Variants in NCOA2 observed in about 807,000 individuals in gnomAD.
NCOA2 encodes the protein class E basic helix-loop-helix protein 75.
A neutral mutation model predicts 145.1 loss-of-function variants in NCOA2; 21 were observed. The ratio of observed to expected loss-of-function variants is 0.14; its 90% CI spans 0.10 to 0.21. The LOEUF (loss-of-function observed/expected upper bound fraction) is 0.21, where lower values mean the gene tolerates loss of function less well. Ranked by LOEUF, NCOA2 falls within the 10% of genes least tolerant of loss-of-function variation. The pLI is 1.00. For synonymous variants in NCOA2, 619 were observed against 637.5 expected (o/e 0.97, Z 0.44); for missense variants, 1,472 against 1,837.6 (o/e 0.80, Z 3.64).
intron 1 of NCOA2, among the ~76,000 whole-genome samples, chr8:70,365,902 C>G (rs1810647348): frequency 6.6e-6 from 1 of 152,154 alleles, no homozygotes; most frequent in Non-Finnish European, 1.5e-5. Flanking sequence ...GCAAGAGAGC[C>G]AGGCCCTTAA....
intron 2 of NCOA2, among the ~76,000 whole-genome samples, chr8:70,257,631 C>A (rs1023092794): frequency 2.0e-5 from 3 of 152,286 alleles, no homozygotes; most frequent in Admixed American, 6.5e-5. Flanking sequence ...CCTCACATCG[C>A]TACTGCCAAA....
At chr8:70,318,049 CACTTAGTTACT>C (rs1288560306) in intron 1 of NCOA2, among the ~76,000 whole-genome samples, 1 of 152,202 alleles carries the variant, frequency 6.6e-6, no homozygotes, top group Non-Finnish European at 1.5e-5. Context: ...CAGGCCATTT[CACTTAGTTACT>C]ACCTCACCAC....
intron 2 of NCOA2, among the ~76,000 whole-genome samples, chr8:70,275,243 C>T (rs1403622641): frequency 1.3e-5 from 2 of 152,046 alleles, no homozygotes; most frequent in Non-Finnish European, 2.9e-5. Flanking sequence ...TAATTAACCA[C>T]AGGAAATTTC....
intron 1 of NCOA2, among the ~76,000 whole-genome samples, chr8:70,358,048 C>T (rs979948218): frequency 4.6e-5 from 7 of 151,232 alleles, no homozygotes; most frequent in East Asian, 1.9e-4. Flanking sequence ...GAGACTCAGT[C>T]GCAAAAAAAA....
At chr8:70,415,181 T>A in the NCOA2 span, among the ~76,000 whole-genome samples, 7 of 152,138 alleles carry the variant, frequency 4.6e-5, no homozygotes, top group East Asian at 1.9e-4. Context: ...TTTTATTTTT[T>A]TTTTTAATTA....
intron 22 of NCOA2, among the ~76,000 whole-genome samples, chr8:70,118,788 A>G (rs1173835675): frequency 6.6e-6 from 1 of 150,986 alleles, no homozygotes; most frequent in Non-Finnish European, 1.5e-5. Context: ...TCCCAGGTTC[A>G]AGCAATTCTC....
chr8:70,276,787 G>A (rs1825501170), intron 2 of NCOA2, among the ~76,000 whole-genome samples: 1 of 151,998 alleles, frequency 6.6e-6, no homozygotes, highest in Admixed American at 6.6e-5. Flanking sequence ...AGCAGCGTGA[G>A]GACTAATATA....
At chr8:70,221,563 A>C (rs1820138781) in intron 2 of NCOA2, among the ~76,000 whole-genome samples, 1 of 152,212 alleles carries the variant, frequency 6.6e-6, no homozygotes. Flanking sequence ...AGTAGGCCAA[A>C]CTTGGGAAGT....
intron 2 of NCOA2, among the ~76,000 whole-genome samples, chr8:70,220,762 T>C (rs771488295): frequency 5.9e-5 from 9 of 152,262 alleles, no homozygotes; most frequent in Non-Finnish European, 8.8e-5. Flanking sequence ...AGCTTGTTAA[T>C]CATCCATAAT....
intron 11 of NCOA2, among the ~76,000 whole-genome samples, chr8:70,152,885 T>C (rs971572591): frequency 6.6e-6 from 1 of 152,242 alleles, no homozygotes; most frequent in African/African-American, 2.4e-5. Flanking sequence ...GACTCATTAA[T>C]AGTTTGTTTT....
the NCOA2 span, among the ~76,000 whole-genome samples, chr8:70,451,150 G>A: frequency 1.4e-5 from 2 of 144,438 alleles, no homozygotes; most frequent in South Asian, 2.2e-4. Context: ...CCCGGGAGGC[G>A]GAGCTTGCAG....
intron 1 of NCOA2, among the ~76,000 whole-genome samples, chr8:70,366,748 A>C (rs1810727669): frequency 6.6e-6 from 1 of 151,922 alleles, no homozygotes; most frequent in Non-Finnish European, 1.5e-5. Context: ...GCTTTAAAAA[A>C]AAAAAAAAAA....
chr8:70,228,715 G>A (rs1230026847), intron 2 of NCOA2, among the ~76,000 whole-genome samples: 9 of 152,268 alleles, frequency 5.9e-5, no homozygotes, highest in African/African-American at 2.2e-4. Flanking sequence ...TAAGATTGCT[G>A]CACCCTATTT....
intron 2 of NCOA2, among the ~76,000 whole-genome samples, chr8:70,281,587 C>T (rs1825888367): frequency 6.6e-6 from 1 of 152,056 alleles, no homozygotes; most frequent in Admixed American, 6.6e-5. Flanking sequence ...ACTCATCACC[C>T]CCCACCTCTT....
chr8:70,193,453 G>A (rs960641360), intron 4 of NCOA2, among the ~76,000 whole-genome samples: 7 of 152,094 alleles, frequency 4.6e-5, no homozygotes, highest in African/African-American at 1.7e-4. Flanking sequence ...AATCACACAA[G>A]GTATATACTT....
At chr8:70,133,965 G>C (rs1007391948) in intron 15 of NCOA2, among the ~76,000 whole-genome samples, 1 of 152,074 alleles carries the variant, frequency 6.6e-6, no homozygotes, top group Non-Finnish European at 1.5e-5. Context: ...CTGCTTCCCC[G>C]ACTTCCTCAC....
chr8:70,318,200 C>T (rs189375736), intron 1 of NCOA2, among the ~76,000 whole-genome samples: 2 of 152,132 alleles, frequency 1.3e-5, no homozygotes, highest in Admixed American at 6.5e-5. Flanking sequence ...GTTAATGTGC[C>T]CCACCTGGAA....
intron 2 of NCOA2, among the ~76,000 whole-genome samples, chr8:70,284,702 G>T (rs749660399): frequency 3.3e-5 from 5 of 152,026 alleles, no homozygotes; most frequent in Non-Finnish European, 5.9e-5. Context: ...TGTGGGTGTG[G>T]TGTACGGAAG....
At chr8:70,348,845 A>G (rs1258972746) in intron 1 of NCOA2, among the ~76,000 whole-genome samples, 2 of 152,172 alleles carry the variant, frequency 1.3e-5, no homozygotes, top group Non-Finnish European at 2.9e-5. Flanking sequence ...AGAAATGTCA[A>G]GCCAGCAGTT....
Sources: allele counts gnomAD v4.1 joint callset (sites outside exome capture counted in the v4.1 genomes callset), GRCh38; gene constraint gnomAD v4.1.1; transcripts MANE v1.5; gene names NCBI Gene and HGNC (gene_info 2026-07-23, HGNC 2026-07-21).